Variants in PTTG1IP2 observed in about 807,000 individuals in gnomAD.
The protein encoded by PTTG1IP2 is PTTG1IP family member 2.
intron 6 of PTTG1IP2, among the ~76,000 whole-genome samples, chr7:90,507,491 G>A (rs1027000228): frequency 1.3e-5 from 2 of 152,056 alleles, no homozygotes; most frequent in African/African-American, 2.4e-5. Flanking sequence ...TTTTCAAGGA[G>A]GGTTAGGAAT....
chr7:90,501,698 A>G (rs1305521214), intron 6 of PTTG1IP2, among the ~76,000 whole-genome samples: 1 of 152,170 alleles, frequency 6.6e-6, no homozygotes, highest in Non-Finnish European at 1.5e-5. Context: ...TTACTGTTAA[A>G]AATTGCTAAC....
At chr7:90,487,496 A>T (rs888417915) in intron 3 of PTTG1IP2, 76 bp downstream of exon 3, 1 of 152,624 alleles carries the variant, frequency 6.6e-6, no homozygotes, top group South Asian at 2.1e-4. Context: ...GCTACATTTG[A>T]AGGATTATAA....
chr7:90,508,890 C>T (rs766854220), intron 6 of PTTG1IP2, among the ~76,000 whole-genome samples: 7 of 152,232 alleles, frequency 4.6e-5, no homozygotes, highest in African/African-American at 1.7e-4. Flanking sequence ...AGCCTTGTGC[C>T]GGGACCCTCA....
At chr7:90,502,564 T>A (rs940898973) in intron 6 of PTTG1IP2, among the ~76,000 whole-genome samples, 2 of 152,238 alleles carry the variant, frequency 1.3e-5, no homozygotes, top group Non-Finnish European at 2.9e-5. Context: ...TGAAAATGAC[T>A]TCTTCATTCA....
intron 6 of PTTG1IP2, among the ~76,000 whole-genome samples, chr7:90,509,655 CA>C (rs1255708766): frequency 6.6e-6 from 1 of 152,034 alleles, no homozygotes; most frequent in African/African-American, 2.4e-5. Context: ...AACATGAAGC[CA>C]GGGGTGTGGG....
At chr7:90,481,270 G>A (rs1797812913) in intron 2 of PTTG1IP2, among the ~76,000 whole-genome samples, 1 of 152,120 alleles carries the variant, frequency 6.6e-6, no homozygotes, top group South Asian at 2.1e-4. Flanking sequence ...ATACAGGCAT[G>A]CAATGCATAC....
chr7:90,492,153 AAGT>A (rs1797946059), intron 4 of PTTG1IP2, 83 bp from the exon 5 acceptor site: 1 of 152,184 alleles, frequency 6.6e-6, no homozygotes, highest in African/African-American at 2.4e-5. Context: ...AAAATAAAAA[AAGT>A]AGTCTATCTA....
intron 5 of PTTG1IP2, among the ~76,000 whole-genome samples, chr7:90,493,025 C>A (rs181030839): frequency 1.0e-3 from 159 of 152,266 alleles, no homozygotes; most frequent in Non-Finnish European, 1.4e-3. Flanking sequence ...CAACTGGAGT[C>A]AAAATCATGA....
intron 2 of PTTG1IP2, among the ~76,000 whole-genome samples, chr7:90,481,108 T>C (rs1415240011): frequency 2.0e-5 from 3 of 152,190 alleles, no homozygotes; most frequent in South Asian, 2.1e-4. Context: ...TTTGATGATA[T>C]TAGCAATGAT....
intron 2 of PTTG1IP2, among the ~76,000 whole-genome samples, chr7:90,484,032 GTTTTT>G (rs953015770): frequency 2.2e-4 from 32 of 143,494 alleles, no homozygotes; most frequent in Admixed American, 4.2e-4. Flanking sequence ...TTTCTGGATA[GTTTTT>G]TTTTTTTTAA....
chr7:90,470,279 CTCTT>C (rs760213873), intron 1 of PTTG1IP2: 2 of 152,068 alleles, frequency 1.3e-5, no homozygotes, highest in Non-Finnish European at 2.9e-5. Context: ...GTCATAGTTC[CTCTT>C]TCTTAAGTTT....
intron 6 of PTTG1IP2, among the ~76,000 whole-genome samples, chr7:90,501,979 T>C (rs1209522685): frequency 1.3e-5 from 2 of 152,244 alleles, no homozygotes; most frequent in Non-Finnish European, 2.9e-5. Context: ...TACATTTATG[T>C]AATATTCTAA....
At chr7:90,503,732 AC>A (rs1798086557) in intron 6 of PTTG1IP2, among the ~76,000 whole-genome samples, 1 of 152,130 alleles carries the variant, frequency 6.6e-6, no homozygotes, top group African/African-American at 2.4e-5. Context: ...AGTTTGTGGC[AC>A]CCCCATAACA....
chr7:90,500,164 A>G (rs924838093), intron 6 of PTTG1IP2, among the ~76,000 whole-genome samples: 6 of 152,050 alleles, frequency 3.9e-5, no homozygotes, highest in Non-Finnish European at 8.8e-5. Context: ...TGGTGAGCTA[A>G]GATTGTGCCG....
At chr7:90,490,784 C>G (rs1797928847) in intron 4 of PTTG1IP2, among the ~76,000 whole-genome samples, 1 of 152,048 alleles carries the variant, frequency 6.6e-6, no homozygotes, top group Non-Finnish European at 1.5e-5. Context: ...CAAATTCTGC[C>G]CATAAGAGTA....
At chr7:90,502,329 C>T (rs1584699984) in intron 6 of PTTG1IP2, among the ~76,000 whole-genome samples, 1 of 152,202 alleles carries the variant, frequency 6.6e-6, no homozygotes, top group African/African-American at 2.4e-5. Context: ...AAGTCTTGAA[C>T]CTTTTCAAAG....
At chr7:90,488,120 A>G (rs1584694786) in intron 3 of PTTG1IP2, among the ~76,000 whole-genome samples, 2 of 152,260 alleles carry the variant, frequency 1.3e-5, no homozygotes, top group African/African-American at 2.4e-5. Flanking sequence ...AAGAATTGAA[A>G]CAAAATGCTT....
chr7:90,497,696 G>A (rs1798010827), intron 6 of PTTG1IP2, among the ~76,000 whole-genome samples: 1 of 109,678 alleles, frequency 9.1e-6, no homozygotes, highest in South Asian at 3.3e-4. Context: ...CAGCCTGAGC[G>A]ACAGAGAAAG....
At chr7:90,477,533 T>C (rs1183229592) in intron 1 of PTTG1IP2, among the ~76,000 whole-genome samples, 5 of 152,160 alleles carry the variant, frequency 3.3e-5, no homozygotes, top group Non-Finnish European at 7.4e-5. Flanking sequence ...CAAATCCTAG[T>C]TGAGGGGCAT....
Sources: gnomAD v4.1 joint callset for allele counts (sites outside exome capture counted in the v4.1 genomes callset) on GRCh38, gnomAD v4.1.1 for gene constraint, MANE v1.5 for transcripts, NCBI Gene and HGNC (gene_info 2026-07-23, HGNC 2026-07-21) for gene names.